RAD54B: variants seen among roughly 807,000 people sequenced by gnomAD.
RAD54B encodes RAD54 homolog B, also known as DNA repair and recombination protein RAD54B.
RAD54B carries 78 observed loss-of-function variants against 95.8 expected under a neutral mutation model. The ratio of observed to expected loss-of-function variants is 0.81; its 90% CI spans 0.68 to 0.98. RAD54B has a LOEUF of 0.98. Among genes scored for constraint, RAD54B ranks in the 50% least tolerant of loss-of-function variants. The pLI is 0.00. For missense variants in RAD54B, 957 were observed against 1,056.6 expected (o/e 0.91, Z 1.31); for synonymous variants, 328 against 354.9 (o/e 0.92, Z 0.85).
chr8:94,412,410 T>C (rs920714969), intron 3 of RAD54B, among the ~76,000 whole-genome samples: 5 of 151,884 alleles, frequency 3.3e-5, no homozygotes, highest in African/African-American at 9.7e-5. Context: ...AGTGAAAGTG[T>C]TGGATCATAT....
intron 3 of RAD54B, chr8:94,436,949 A>G: frequency 1.4e-6 from 2 of 1,450,730 alleles, no homozygotes; most frequent in Non-Finnish European, 1.8e-6. Flanking sequence ...ACAAACAGAA[A>G]AAGATCAGGC....
At chr8:94,458,712 T>C (rs551761220) in intron 2 of RAD54B, among the ~76,000 whole-genome samples, 30 of 152,002 alleles carry the variant, frequency 2.0e-4, no homozygotes, top group Non-Finnish European at 3.8e-4. Flanking sequence ...ACTAAAAATA[T>C]AAAAATTAGC....
intron 14 of RAD54B, among the ~76,000 whole-genome samples, chr8:94,374,542 C>T (rs1023487708): frequency 6.6e-6 from 1 of 151,782 alleles, no homozygotes; most frequent in African/African-American, 2.4e-5. Context: ...ACAAGAGATA[C>T]CTAAAACATA....
intron 2 of RAD54B, among the ~76,000 whole-genome samples, chr8:94,458,878 T>A (rs867669123): frequency 2.0e-5 from 3 of 151,812 alleles, no homozygotes; most frequent in Admixed American, 6.6e-5. Context: ...AAAAAAAAAA[T>A]TAACTAATTA....
chr8:94,470,025 C>T (rs1813128592), intron 1 of RAD54B, among the ~76,000 whole-genome samples: 1 of 152,166 alleles, frequency 6.6e-6, no homozygotes, highest in Non-Finnish European at 1.5e-5. Flanking sequence ...TTCAAAGCAA[C>T]ACCACAAAAC....
chr8:94,434,317 T>A (rs565329153), intron 3 of RAD54B, among the ~76,000 whole-genome samples: 15 of 151,762 alleles, frequency 9.9e-5, no homozygotes, highest in African/African-American at 3.6e-4. Context: ...AGCTAAAACA[T>A]TACAACTAAG....
At chr8:94,452,879 G>A (rs1469224718) in intron 3 of RAD54B, among the ~76,000 whole-genome samples, 3 of 152,000 alleles carry the variant, frequency 2.0e-5, no homozygotes, top group Non-Finnish European at 4.4e-5. Flanking sequence ...AAATAACACT[G>A]TTTAACTTAG....
chr8:94,378,497 G>T, intron 13 of RAD54B, 71 bp downstream of exon 13: 2 of 1,461,444 alleles, frequency 1.4e-6, no homozygotes, highest in East Asian at 2.3e-5. Flanking sequence ...TGACACTGAA[G>T]CACAGGCTAA....
In RAD54B at chr8:94,411,314, A is replaced by C; in HGVS notation, c.306T>G (p.Val102=). Residue 102 remains valine, a splice_region_variant and synonymous_variant, in exon 4 of 15, where the codon GTT becomes GTG. Transcript: ENST00000336148. The part of the protein sequence containing the change: ...TLATLDPPHT[V]HSAPKEVAVS... ...CTGCTACTTCTTTAGGAGCCGAATG[A>C]ACTACAATTAAAAAAAAAACACACA... 6.4e-7 allele frequency: 1 copy of C among 1,555,306 alleles called. No individual in the cohort carries two copies. Among genetic ancestry groups the C allele is most frequent in the Non-Finnish European group, 8.6e-7 (1 of 1,161,518 alleles).
chr8:94,434,803 A>G (rs574203743), intron 3 of RAD54B, among the ~76,000 whole-genome samples: 2 of 151,806 alleles, frequency 1.3e-5, no homozygotes, highest in South Asian at 2.1e-4. Context: ...TTTAAAACCT[A>G]ACAAATTGGT....
intron 9 of RAD54B, among the ~76,000 whole-genome samples, chr8:94,393,240 A>G (rs1229752780): frequency 6.6e-6 from 1 of 152,168 alleles, no homozygotes; most frequent in African/African-American, 2.4e-5. Flanking sequence ...ACTTTCCCCA[A>G]GTTGTGCCAA....
At chr8:94,377,212 G>GT (rs1361055280) in intron 14 of RAD54B, among the ~76,000 whole-genome samples, 3 of 152,022 alleles carry the variant, frequency 2.0e-5, no homozygotes, top group African/African-American at 4.8e-5. Flanking sequence ...TCAACTGTAT[G>GT]TTTTTTTGCG....
At chr8:94,449,733 G>A (rs1318360458) in intron 3 of RAD54B, among the ~76,000 whole-genome samples, 1 of 152,092 alleles carries the variant, frequency 6.6e-6, no homozygotes. Context: ...TGATTTGGAA[G>A]GATGCATATG....
intron 3 of RAD54B, among the ~76,000 whole-genome samples, chr8:94,435,258 G>T (rs1164580381): frequency 9.9e-5 from 15 of 152,002 alleles, no homozygotes; most frequent in Admixed American, 9.8e-4. Flanking sequence ...TTAATCCACT[G>T]TGTATTCATG....
chr8:94,433,438 G>A (rs867815165), intron 3 of RAD54B, among the ~76,000 whole-genome samples: 42 of 151,892 alleles, frequency 2.8e-4, no homozygotes, highest in African/African-American at 9.9e-4. Context: ...TGTGTTGAAT[G>A]ACTGAAAAAA....
chr8:94,474,760 A>G (rs1813257492), intron 1 of RAD54B, among the ~76,000 whole-genome samples: 1 of 152,088 alleles, frequency 6.6e-6, no homozygotes, highest in Non-Finnish European at 1.5e-5. Context: ...TCCCTCCCAC[A>G]CAAACGCACA....
At chr8:94,461,779 T>C (rs528106209) in intron 2 of RAD54B, among the ~76,000 whole-genome samples, 2 of 152,324 alleles carry the variant, frequency 1.3e-5, no homozygotes, top group African/African-American at 4.8e-5. Context: ...GCAGACGCTA[T>C]GCTCCTTCGC....
At chr8:94,390,571 TAGATTATATATAG>T (rs1563638765) in intron 10 of RAD54B, among the ~76,000 whole-genome samples, 1 of 148,016 alleles carries the variant, frequency 6.8e-6, no homozygotes, top group Non-Finnish European at 1.5e-5. Context: ...TATATATATA[TAGATTATATATAG>T]AGATTTTATA....
At chr8:94,421,102 A>G (rs1811798241) in intron 3 of RAD54B, among the ~76,000 whole-genome samples, 1 of 152,158 alleles carries the variant, frequency 6.6e-6, no homozygotes, top group Non-Finnish European at 1.5e-5. Flanking sequence ...CAAATTCCCA[A>G]TCACTCCTTA....
Sources: allele counts gnomAD v4.1 joint callset (sites outside exome capture counted in the v4.1 genomes callset), GRCh38; gene constraint gnomAD v4.1.1; transcripts MANE v1.5; gene names NCBI Gene and HGNC (gene_info 2026-07-23, HGNC 2026-07-21).